ERMARD: variants seen among roughly 807,000 people sequenced by gnomAD.
ERMARD encodes the protein ER membrane associated RNA degradation, also known as endoplasmic reticulum membrane-associated RNA degradation protein.
Under a neutral mutation model 83.9 loss-of-function variants are expected in ERMARD, and 71 were observed. The ratio of observed to expected loss-of-function variants is 0.85; its 90% CI spans 0.70 to 1.03. ERMARD has a LOEUF of 1.03. ERMARD is among the 50% of genes least tolerant of loss of function. ERMARD has a pLI of 0.00. For missense variants in ERMARD, 838 were observed against 810.9 expected (o/e 1.03, Z -0.41); for synonymous variants, 284 against 298.6 (o/e 0.95, Z 0.50).
At chr6:169,776,412 G>C in intron 15 of ERMARD, 43 bp from the exon 16 acceptor site, 2 of 1,593,984 alleles carry the variant, frequency 1.3e-6, no homozygotes, top group East Asian at 4.5e-5. Flanking sequence ...TGAGGCCCAG[G>C]TGAGGATCAT....
At chr6:169,758,929 A>T in intron 5 of ERMARD, 39 bp from the exon 6 acceptor site, 1 of 1,526,106 alleles carries the variant, frequency 6.6e-7, no homozygotes, top group South Asian at 1.2e-5. Context: ...TTTATTCAGT[A>T]ATTCAGTATA....
At chr6:169,779,877 A>G (rs1794012197) in intron 17 of ERMARD, among the ~76,000 whole-genome samples, 1 of 152,210 alleles carries the variant, frequency 6.6e-6, no homozygotes, top group Non-Finnish European at 1.5e-5. Flanking sequence ...TGTGTGACCC[A>G]CTTTACATCC....
chr6:169,766,421 C>A (rs780094735), intron 9 of ERMARD, among the ~76,000 whole-genome samples: 11 of 152,178 alleles, frequency 7.2e-5, no homozygotes, highest in African/African-American at 2.7e-4. Context: ...TGTCCTAATG[C>A]GGCTTCATGG....
At chr6:169,751,440 C>CT (rs768778046), upstream of ERMARD, 10 of 1,613,952 alleles carry the variant, frequency 6.2e-6, no homozygotes, top group Non-Finnish European at 8.5e-6. Flanking sequence ...GACTTCACGC[C>CT]TCGGCCTCGC....
intron 9 of ERMARD, among the ~76,000 whole-genome samples, chr6:169,765,547 G>C (rs1374786591): frequency 6.6e-6 from 1 of 152,154 alleles, no homozygotes. Flanking sequence ...GTAGGTAAAT[G>C]AAAAATTCTG....
At chr6:169,751,468 T>C, upstream of ERMARD, 1 of 1,613,324 alleles carries the variant, frequency 6.2e-7, no homozygotes, top group Non-Finnish European at 8.5e-7. Context: ...TCTCGCTCTG[T>C]TCTCCAAGAC....
intron 16 of ERMARD, among the ~76,000 whole-genome samples, chr6:169,777,769 C>T (rs7771053): frequency 0.29 from 44,226 of 151,678 alleles, 7,499 homozygotes; most frequent in African/African-American, 0.46. Flanking sequence ...TCCCCAGGCC[C>T]GCCCCCCTTC....
chr6:169,780,117 A>AG (rs57680798), intron 17 of ERMARD, among the ~76,000 whole-genome samples: 46,392 of 152,114 alleles, frequency 0.3, 8,248 homozygotes, highest in African/African-American at 0.49. Context: ...GCTGAGAGTG[A>AG]GGGAGCAAAC....
chr6:169,771,298 T>C (rs1247931254), intron 12 of ERMARD: 1 of 152,112 alleles, frequency 6.6e-6, no homozygotes, highest in East Asian at 1.9e-4. Flanking sequence ...TTGGCCAGAC[T>C]GGTCTTGAAC....
intron 9 of ERMARD, among the ~76,000 whole-genome samples, chr6:169,764,614 G>T (rs75483820): frequency 0.023 from 3,533 of 151,884 alleles, 102 homozygotes; most frequent in South Asian, 0.15. Flanking sequence ...GTTATTTATG[G>T]TTTTTTTTCA....
chr6:169,762,527 C>G lies in ERMARD; in HGVS notation c.956C>G (p.Ala319Gly). ...AGATGTCCAAAAAGACTCCTGACTG[C>G]TGAGGTAAGCTTGTTTTTATTATTG... ...LNRCPKRLLT[A>G]ESTALYTTFD... is the part of the protein sequence containing the mutation. The change falls in exon 9 of 18, where the codon GCT becomes GGT. Residue 319 changes from alanine to glycine, a missense_variant. Ala to Gly is a moderately conservative substitution (Grantham distance 60). Transcript: ENST00000366773. The G allele has an allele frequency of 6.2e-7, 1 of 1,611,766 alleles. No homozygotes were observed. Among genetic ancestry groups the G allele is most frequent in the Non-Finnish European group, 8.5e-7 (1 of 1,178,454 alleles).
chr6:169,769,740 A>G lies in ERMARD; in HGVS notation c.1233+27A>G. The stretch of plus-strand genomic sequence containing the variant: ...TAATTTATAGGGAAGAAAATCATTA[A>G]TTAGATTAACTCATTCAGCTATGAA... On this transcript the variant is annotated intron_variant, in intron 12 of 17. Coordinates refer to ENST00000366773, the MANE Select transcript of ERMARD (RefSeq NM_018341.3). The G allele has an allele frequency of 2.6e-6, 4 of 1,557,226 alleles. No homozygotes were observed. In the South Asian group the frequency reaches 3.6e-5, roughly 14 times the overall value.
chr6:169,764,906 G>A (rs1477308049), intron 9 of ERMARD, among the ~76,000 whole-genome samples: 2 of 152,232 alleles, frequency 1.3e-5, no homozygotes, highest in African/African-American at 4.8e-5. Flanking sequence ...GCTTTTCTCT[G>A]TGTTCTGTTT....
chr6:169,775,718 G>T (rs565048923), intron 14 of ERMARD, among the ~76,000 whole-genome samples: 1 of 152,360 alleles, frequency 6.6e-6, no homozygotes, highest in African/African-American at 2.4e-5. Flanking sequence ...GGAAGAATAC[G>T]CAGGTGGTTC....
chr6:169,757,176 CAGCCAA>C (rs1563010934), intron 5 of ERMARD, among the ~76,000 whole-genome samples: 5 of 152,164 alleles, frequency 3.3e-5, no homozygotes, highest in African/African-American at 9.7e-5. Context: ...GGTGGGGACA[CAGCCAA>C]ACCATATCAC....
intron 8 of ERMARD, among the ~76,000 whole-genome samples, chr6:169,761,286 G>A (rs1278379133): frequency 1.3e-5 from 2 of 152,134 alleles, no homozygotes; most frequent in African/African-American, 2.4e-5. Context: ...GAGCCACCTC[G>A]GCTCACTGCA....
intron 14 of ERMARD, 164 bp from the exon 15 acceptor site, chr6:169,775,776 G>C: frequency 1.1e-6 from 1 of 908,592 alleles, no homozygotes; most frequent in South Asian, 1.8e-5. Context: ...GGCATCGTTT[G>C]TTTCTCCACT....
intron 12 of ERMARD, among the ~76,000 whole-genome samples, chr6:169,769,923 A>C (rs1012800609): frequency 6.6e-6 from 1 of 152,214 alleles, no homozygotes; most frequent in Admixed American, 6.5e-5. Context: ...AAATAATTTA[A>C]CTCGTTTCTT....
chr6:169,751,479 GC>G, upstream of ERMARD: 1 of 1,612,214 alleles, frequency 6.2e-7, no homozygotes, highest in Non-Finnish European at 8.5e-7. Flanking sequence ...TCTCCAAGAC[GC>G]CCACCGCCTC....
Sources: gnomAD v4.1 joint callset for allele counts (sites outside exome capture counted in the v4.1 genomes callset) on GRCh38, gnomAD v4.1.1 for gene constraint, MANE v1.5 for transcripts, NCBI Gene and HGNC (gene_info 2026-07-23, HGNC 2026-07-21) for gene names.